The following CLYBL variants were observed in gnomAD, a reference collection of about 807,000 sequenced individuals.
The protein encoded by CLYBL is citramalyl-CoA lyase.
Under a neutral mutation model 38.9 loss-of-function variants are expected in CLYBL, and 31 were observed. The observed-to-expected ratio is 0.80, with a 90% CI of 0.60 to 1.08. The LOEUF (loss-of-function observed/expected upper bound fraction) is 1.08, where lower values mean the gene tolerates loss of function less well. CLYBL is among the 50% of genes least tolerant of loss of function. The probability of loss-of-function intolerance (pLI) is 0.00; values close to 1 mark genes in which losing one functional copy is unlikely to be tolerated. For synonymous variants in CLYBL, 171 were observed against 158.6 expected, an observed-to-expected ratio of 1.08 and a Z score of -0.59; for missense variants, 434 against 411.6, an observed-to-expected ratio of 1.05 and a Z score of -0.47.
chr13:99,620,972 A>G (rs1566590671), intron 1 of CLYBL, among the ~76,000 whole-genome samples: 1 of 152,104 alleles, frequency 6.6e-6, no homozygotes, highest in African/African-American at 2.4e-5. Flanking sequence ...TCTCTCTGCC[A>G]CCCCTCATGT....
chr13:99,713,268 A>G (rs1444635970), intron 1 of CLYBL, among the ~76,000 whole-genome samples: 1 of 150,728 alleles, frequency 6.6e-6, no homozygotes, highest in Non-Finnish European at 1.5e-5. Flanking sequence ...TAGGTGTTCC[A>G]TAGGCCTTTC....
chr13:99,751,289 C>T (rs966472793), intron 1 of CLYBL, among the ~76,000 whole-genome samples: 6 of 151,906 alleles, frequency 3.9e-5, no homozygotes, highest in Admixed American at 2.6e-4. Context: ...GGTGTGATCC[C>T]GGCGCACTGC....
rs894185062 is a variant in CLYBL at position 99,873,369 on chromosome 13, A to G, written c.927+2307A>G. Among the ~76,000 whole-genome samples, 6 of 152,310 alleles carry G rather than the reference A, an allele frequency of 3.9e-5. No individual in the cohort carries two copies. In the South Asian group the frequency reaches 1.2e-3, roughly 32 times the overall value. On this transcript the variant is annotated intron_variant, in intron 7 of 8. Transcript: ENST00000339105. ...TTATATAAAGTATTGCTTCCAACAAACATCTAGTCTGTTTTATGTCAAATG... is the reference window on the plus strand; with the variant it reads ...TTATATAAAGTATTGCTTCCAACAAGCATCTAGTCTGTTTTATGTCAAATG...
intron 1 of CLYBL, among the ~76,000 whole-genome samples, chr13:99,666,737 G>T (rs532184193): frequency 6.6e-6 from 1 of 152,156 alleles, no homozygotes. Context: ...GATGTAGCAG[G>T]TGTCAAAATA....
chr13:99,718,365 T>TAAA (rs1432716943), intron 1 of CLYBL, among the ~76,000 whole-genome samples: 1 of 138,888 alleles, frequency 7.2e-6, no homozygotes, highest in Non-Finnish European at 1.5e-5. Flanking sequence ...CCTGATAGAT[T>TAAA]AAAAAAAAGA....
chr13:99,676,599 C>CTTT (rs112196090), intron 1 of CLYBL, among the ~76,000 whole-genome samples: 3 of 135,024 alleles, frequency 2.2e-5, no homozygotes, highest in Admixed American at 7.5e-5. Context: ...CTTCTTCATT[C>CTTT]TTTTTTTTTT....
At chr13:99,632,764 A>T (rs768391548) in intron 1 of CLYBL, among the ~76,000 whole-genome samples, 2 of 152,006 alleles carry the variant, frequency 1.3e-5, no homozygotes, top group Non-Finnish European at 2.9e-5. Context: ...AAACAAAAAC[A>T]AAAAAACCCC....
chr13:99,697,957 G>A (rs2048005512), intron 1 of CLYBL, among the ~76,000 whole-genome samples: 2 of 151,972 alleles, frequency 1.3e-5, no homozygotes, highest in Non-Finnish European at 2.9e-5. Flanking sequence ...CTCCCAACAG[G>A]CTTTTAAAGC....
chr13:99,855,555 G>T (rs750721241), intron 2 of CLYBL, among the ~76,000 whole-genome samples: 1 of 152,174 alleles, frequency 6.6e-6, no homozygotes, highest in Admixed American at 6.5e-5. Context: ...AGATGAGAGA[G>T]CTGAGAGCGC....
intron 3 of CLYBL, among the ~76,000 whole-genome samples, chr13:99,860,829 T>G (rs1418656477): frequency 6.6e-6 from 1 of 152,276 alleles, no homozygotes; most frequent in Non-Finnish European, 1.5e-5. Context: ...ATGGGCTTAC[T>G]TGTTTTCTTT....
chr13:99,660,039 A>T (rs1160281558), intron 1 of CLYBL, among the ~76,000 whole-genome samples: 1 of 152,210 alleles, frequency 6.6e-6, no homozygotes, highest in African/African-American at 2.4e-5. Context: ...TGTTATTTTC[A>T]GGTGTTTGAG....
intron 1 of CLYBL, among the ~76,000 whole-genome samples, chr13:99,713,226 G>A (rs2048261119): frequency 6.6e-6 from 1 of 151,012 alleles, no homozygotes; most frequent in African/African-American, 2.4e-5. Context: ...TTGCATTGAT[G>A]TACTTTGATG....
chr13:99,646,669 C>T (rs1334595961), intron 1 of CLYBL, among the ~76,000 whole-genome samples: 3 of 149,064 alleles, frequency 2.0e-5, no homozygotes, highest in Non-Finnish European at 4.4e-5. Flanking sequence ...CCCGCTACCA[C>T]ACCTGGCTAA....
intron 4 of CLYBL, among the ~76,000 whole-genome samples, chr13:99,863,823 C>G (rs910338158): frequency 7.2e-5 from 11 of 152,192 alleles, no homozygotes; most frequent in Admixed American, 1.3e-4. Context: ...TCCCTTCCCC[C>G]ACCCCAGCCC....
Position 99,702,723 on chromosome 13 carries a change from G to A in CLYBL, c.63-70101G>A, listed in dbSNP as rs73566267. Among the ~76,000 whole-genome samples, 651 of 152,264 alleles carry A rather than the reference G, an allele frequency of 4.3e-3. 3 individuals carry two copies. The highest frequency in any genetic ancestry group is 0.015 in the African/African-American group (626 of 41,540). ...TAAAACAGAGCTCTGAGCGCCTAGA[G>A]GCTTTTTGCCTTAAGGGGCGAGGAG... On this transcript the variant is annotated intron_variant, in intron 1 of 8. Coordinates refer to ENST00000339105, the MANE Select transcript of CLYBL (RefSeq NM_206808.5).
intron 2 of CLYBL, among the ~76,000 whole-genome samples, chr13:99,818,172 T>C (rs1207613296): frequency 6.6e-6 from 1 of 152,122 alleles, no homozygotes; most frequent in Non-Finnish European, 1.5e-5. Context: ...AGTCAGCTGG[T>C]TACCAGAACC....
At chr13:99,692,283 T>A (rs1407018538) in intron 1 of CLYBL, among the ~76,000 whole-genome samples, 1 of 118,010 alleles carries the variant, frequency 8.5e-6, no homozygotes, top group Non-Finnish European at 2.0e-5. Context: ...ATTTGTTTTT[T>A]TTGTTTTTTT....
intron 7 of CLYBL, among the ~76,000 whole-genome samples, chr13:99,876,723 A>G (rs2052052521): frequency 6.6e-6 from 1 of 152,138 alleles, no homozygotes; most frequent in Non-Finnish European, 1.5e-5. Context: ...CAAGGTGGAG[A>G]GAGGGCTGCG....
At chr13:99,615,212 G>A (rs1419353121) in intron 1 of CLYBL, among the ~76,000 whole-genome samples, 5 of 152,146 alleles carry the variant, frequency 3.3e-5, no homozygotes, top group East Asian at 1.9e-4. Flanking sequence ...GAACAGCCAC[G>A]GTCTGACTGA....
Sources: gnomAD v4.1 joint callset for allele counts (sites outside exome capture counted in the v4.1 genomes callset) on GRCh38, gnomAD v4.1.1 for gene constraint, MANE v1.5 for transcripts, NCBI Gene and HGNC (gene_info 2026-07-23, HGNC 2026-07-21) for gene names.